Variants in TNKS observed in about 807,000 individuals in gnomAD.
The protein encoded by TNKS is poly [ADP-ribose] polymerase tankyrase-1.
A neutral mutation model predicts 135.8 loss-of-function variants in TNKS; 72 were observed. That is an observed-to-expected ratio of 0.53 (90% CI 0.44 to 0.64). The LOEUF is 0.64. Among genes scored for constraint, TNKS ranks in the 30% least tolerant of loss-of-function variants. TNKS has a pLI of 0.00. For missense variants in TNKS, 1,769 were observed against 1,674.0 expected, an observed-to-expected ratio of 1.06 and a Z score of -0.99; for synonymous variants, 849 against 649.3, an observed-to-expected ratio of 1.31 and a Z score of -4.68.
At chr8:9,617,760 G>A (rs546418638) in intron 3 of TNKS, among the ~76,000 whole-genome samples, 1 of 152,212 alleles carries the variant, frequency 6.6e-6, no homozygotes, top group African/African-American at 2.4e-5. Context: ...TGAGTAATAT[G>A]TCATTCTTTA....
At chr8:9,598,716 T>C (rs1798887225) in intron 2 of TNKS, among the ~76,000 whole-genome samples, 1 of 132,428 alleles carries the variant, frequency 7.6e-6, no homozygotes, top group East Asian at 2.3e-4. Context: ...TGTGTGTGTG[T>C]GTGTGTGTGT....
At chr8:9,583,995 T>A (rs1798271029) in intron 2 of TNKS, among the ~76,000 whole-genome samples, 1 of 151,354 alleles carries the variant, frequency 6.6e-6, no homozygotes, top group African/African-American at 2.4e-5. Context: ...AAACACCGTC[T>A]CTACTAAAAA....
At chr8:9,570,120 G>A (rs1040396099) in intron 1 of TNKS, among the ~76,000 whole-genome samples, 4 of 152,018 alleles carry the variant, frequency 2.6e-5, no homozygotes, top group African/African-American at 9.7e-5. Flanking sequence ...TTAAGCAGAT[G>A]CCAGGTGTTT....
intron 1 of TNKS, chr8:9,575,369 G>T: frequency 4.1e-6 from 4 of 985,010 alleles, no homozygotes; most frequent in South Asian, 4.7e-5. Context: ...GAGCCACCGC[G>T]CCCGGCGGAT....
intron 3 of TNKS, among the ~76,000 whole-genome samples, chr8:9,644,428 A>G (rs938435973): frequency 2.0e-5 from 3 of 152,256 alleles, no homozygotes; most frequent in African/African-American, 4.8e-5. Flanking sequence ...TATTCATTTG[A>G]TATTTGCATG....
chr8:9,631,124 A>C (rs1800272738), intron 3 of TNKS, among the ~76,000 whole-genome samples: 1 of 152,240 alleles, frequency 6.6e-6, no homozygotes, highest in African/African-American at 2.4e-5. Flanking sequence ...TCATATCTAC[A>C]AATGTACTGA....
chr8:9,585,496 GCA>G (rs1798340920), intron 2 of TNKS, among the ~76,000 whole-genome samples: 1 of 152,102 alleles, frequency 6.6e-6, no homozygotes, highest in South Asian at 2.1e-4. Flanking sequence ...GATGTATATT[GCA>G]CTTTTCCAGA....
chr8:9,768,636 C>T (rs1247821430), intron 25 of TNKS, among the ~76,000 whole-genome samples: 1 of 152,234 alleles, frequency 6.6e-6, no homozygotes, highest in African/African-American at 2.4e-5. Flanking sequence ...TCGGCAGCAA[C>T]AGGCGAGCCC....
intron 5 of TNKS, among the ~76,000 whole-genome samples, chr8:9,685,873 A>G (rs1356405275): frequency 1.3e-5 from 2 of 152,206 alleles, no homozygotes; most frequent in Non-Finnish European, 2.9e-5. Flanking sequence ...GGATTAGTGT[A>G]ATTCTTTGTA....
At chr8:9,642,184 T>A (rs1800754615) in intron 3 of TNKS, among the ~76,000 whole-genome samples, 1 of 146,294 alleles carries the variant, frequency 6.8e-6, no homozygotes. Flanking sequence ...GGTAATTATT[T>A]GCAGACGCCA....
At chr8:9,667,106 G>A (rs1585302919) in intron 3 of TNKS, among the ~76,000 whole-genome samples, 1 of 152,008 alleles carries the variant, frequency 6.6e-6, no homozygotes, top group Non-Finnish European at 1.5e-5. Flanking sequence ...TTTATGGGAG[G>A]AACATAAGTC....
At position 9,734,782 on chromosome 8, in the gene TNKS, G is replaced by A. The variant is rs926602425; in HGVS notation, c.2314-83G>A. 23 of 1,188,992 alleles carry A rather than the reference G, an allele frequency of 1.9e-5. No homozygotes were observed. The African/African-American group carries it at 3.1e-4, about 16-fold the overall frequency. The allele number at this position is 1,188,992 out of a possible 1,614,324, so 73.7% of individuals were successfully genotyped here. A position where few individuals can be genotyped will look rare whatever the true frequency, so the allele number is the denominator to read the frequency against. ...AGATATCTTCCCCAGAGGAACAAAG[G>A]TAGAGTAAATTAATTACCTACCTAC... On this transcript the variant is annotated intron_variant, in intron 15 of 26. Coordinates refer to ENST00000310430, the MANE Select transcript of TNKS (RefSeq NM_003747.3).
chr8:9,666,116 G>A (rs570482699), intron 3 of TNKS, among the ~76,000 whole-genome samples: 6 of 152,142 alleles, frequency 3.9e-5, no homozygotes, highest in South Asian at 2.1e-4. Context: ...GATTACAACC[G>A]TTTTACTGTT....
chr8:9,745,068 AAC>A (rs1432068061), intron 17 of TNKS, among the ~76,000 whole-genome samples: 2 of 152,156 alleles, frequency 1.3e-5, no homozygotes, highest in African/African-American at 2.4e-5. Context: ...AATCATCAGA[AAC>A]ACAGTTTAAG....
intron 2 of TNKS, among the ~76,000 whole-genome samples, chr8:9,595,980 C>T (rs1367472587): frequency 1.3e-5 from 2 of 152,032 alleles, no homozygotes; most frequent in Non-Finnish European, 2.9e-5. Context: ...GGGGTGGTGG[C>T]ACACACCTGT....
At chr8:9,567,734 A>C (rs1296396768) in intron 1 of TNKS, among the ~76,000 whole-genome samples, 1 of 152,172 alleles carries the variant, frequency 6.6e-6, no homozygotes, top group East Asian at 1.9e-4. Flanking sequence ...ACTTTCTTTA[A>C]AAGACTATAT....
At chr8:9,745,597 G>A (rs1806192446) in intron 17 of TNKS, among the ~76,000 whole-genome samples, 3 of 152,018 alleles carry the variant, frequency 2.0e-5, no homozygotes, top group Admixed American at 2.0e-4. Flanking sequence ...CAGAGATGGG[G>A]TTTCGCCATG....
In TNKS at chr8:9,776,538, T is replaced by C. The variant is rs556889368; in HGVS notation, c.3898-112T>C. The C allele has an allele frequency of 3.4e-4, 305 of 889,272 alleles. 2 individuals carry two copies. The African/African-American group carries it at 4.4e-3, about 13-fold the overall frequency. 55.1% of individuals were successfully genotyped at this position (889,272 alleles called of 1,614,324 possible). A position where few individuals can be genotyped will look rare whatever the true frequency, so the allele number is the denominator to read the frequency against. On this transcript the variant is annotated intron_variant, in intron 26 of 26. Coordinates refer to ENST00000310430, the MANE Select transcript of TNKS (RefSeq NM_003747.3). ...TTCAGGCACCTATTAAGAAACTGAG[T>C]CTATATAGAATATTGGTCACGATTA...
In TNKS at chr8:9,699,251, T is replaced by C. The variant is rs191965760; in HGVS notation, c.1108-5412T>C. Among the ~76,000 whole-genome samples the C allele has an allele frequency of 2.0e-4, 31 of 152,374 alleles. No individual in the cohort carries two copies. In the East Asian group the frequency reaches 5.8e-3, roughly 28 times the overall value. On this transcript the variant is annotated intron_variant, in intron 5 of 26. Coordinates refer to ENST00000310430, the MANE Select transcript of TNKS (RefSeq NM_003747.3). ...TTAATTATCCTAGCAATTAGAAAAT[T>C]ACTTTTACCATTGCTTTGCCATTTG...
Sources: allele counts gnomAD v4.1 joint callset (sites outside exome capture counted in the v4.1 genomes callset), GRCh38; gene constraint gnomAD v4.1.1; transcripts MANE v1.5; gene names NCBI Gene and HGNC (gene_info 2026-07-23, HGNC 2026-07-21).